Variants in ABR observed in about 807,000 individuals in gnomAD.
The protein encoded by ABR is ABR activator of RhoGEF and GTPase, also known as active breakpoint cluster region-related protein.
ABR carries 35 observed loss-of-function variants against 107.2 expected under a neutral mutation model. The observed-to-expected ratio is 0.33, with a 90% CI of 0.25 to 0.43. The LOEUF is 0.43. Ranked by LOEUF, ABR falls within the 20% of genes least tolerant of loss-of-function variation. The probability of loss-of-function intolerance (pLI) is 1.00; values close to 1 mark genes in which losing one functional copy is unlikely to be tolerated. For missense variants in ABR, 815 were observed against 1,115.2 expected, an observed-to-expected ratio of 0.73 and a Z score of 3.83; for synonymous variants, 498 against 462.0, an observed-to-expected ratio of 1.08 and a Z score of -1.00.
intron 1 of ABR, among the ~76,000 whole-genome samples, chr17:1,152,637 A>G (rs1374080084): frequency 1.3e-5 from 2 of 151,770 alleles, no homozygotes; most frequent in East Asian, 3.9e-4. Flanking sequence ...CTCCCGGCAC[A>G]CAACAAGTGC....
chr17:1,192,063 G>A (rs991064754), upstream of ABR, among the ~76,000 whole-genome samples: 5 of 152,172 alleles, frequency 3.3e-5, no homozygotes, highest in African/African-American at 1.2e-4. Context: ...GATAAAGGAA[G>A]GGGGAAACTT....
At position 1,072,599 on chromosome 17, in the gene ABR, G is replaced by A. The variant is rs186545590; in HGVS notation, c.894+15C>T. The A allele has an allele frequency of 1.3e-4, 214 of 1,595,488 alleles. 5 individuals carry two copies. The Middle Eastern group carries it at 5.2e-3, about 39-fold the overall frequency. ...CTCAGCCTGGGTGAGGGGCCGTGCC[G>A]GGCTCTGAGCTCACCTCCCCCTTGG... On this transcript the variant is annotated intron_variant, in intron 8 of 22. Coordinates refer to ENST00000302538, the MANE Select transcript of ABR (RefSeq NM_021962.5).
In ABR at chr17:1,135,739, G is replaced by A. The variant is rs188158668; in HGVS notation, c.62-10372C>T. Among the ~76,000 whole-genome samples the A allele has an allele frequency of 2.6e-5, 4 of 152,158 alleles. No homozygotes were observed. In the East Asian group the frequency reaches 5.8e-4, roughly 22 times the overall value. On this transcript the variant is annotated intron_variant, in intron 1 of 22. Coordinates refer to ENST00000302538, the MANE Select transcript of ABR (RefSeq NM_021962.5). The stretch of plus-strand genomic sequence containing the variant: ...AAAAATACAAAAATCAGCTGGGCTT[G>A]GTGGCAGGTGCCTGTAATCCCAGCT...
chr17:1,132,407 C>A (rs997319633), intron 1 of ABR, among the ~76,000 whole-genome samples: 1 of 131,108 alleles, frequency 7.6e-6, no homozygotes, highest in African/African-American at 2.9e-5. Context: ...GAGATGGAGT[C>A]TCGCTCTGTC....
chr17:1,098,365 C>G (rs1027780030), intron 3 of ABR, among the ~76,000 whole-genome samples: 7 of 151,882 alleles, frequency 4.6e-5, no homozygotes, highest in Non-Finnish European at 1.0e-4. Flanking sequence ...GCTTGAGACA[C>G]GGCGCCCGGC....
chr17:1,045,412 ACAGCAGGACAATCTTCCG>A (rs2031426689), intron 16 of ABR, among the ~76,000 whole-genome samples: 2 of 151,214 alleles, frequency 1.3e-5, no homozygotes, highest in Non-Finnish European at 3.0e-5. Context: ...CCGTCTTCTT[ACAGCAGGACAATCTTCCG>A]TCTTCTTACA....
chr17:1,162,312 T>G (rs2041332632), intron 1 of ABR, among the ~76,000 whole-genome samples: 1 of 152,234 alleles, frequency 6.6e-6, no homozygotes, highest in South Asian at 2.1e-4. Flanking sequence ...ACCCTCACTT[T>G]GCAGACAGGA....
intron 1 of ABR, among the ~76,000 whole-genome samples, chr17:1,185,654 TAAAAAAAAAA>T (rs775804045): frequency 2.5e-5 from 1 of 39,360 alleles, no homozygotes; most frequent in African/African-American, 9.7e-5. Context: ...CAGAAAGAAA[TAAAAAAAAAA>T]AAAAAAAAAA....
intron 14 of ABR, chr17:1,055,308 G>A (rs1325973030): frequency 2.6e-5 from 4 of 152,222 alleles, no homozygotes; most frequent in Non-Finnish European, 5.9e-5. Flanking sequence ...GAGAAAAAGC[G>A]ATGAGCGTGG....
chr17:1,071,563 C>G lies in ABR; in HGVS notation c.894+1051G>C, dbSNP rs1376369805. On this transcript the variant is annotated intron_variant, in intron 8 of 22. Transcript: ENST00000302538. The surrounding 1 kb of genome is among the most constrained non-coding windows in gnomAD (Gnocchi z 5.1). Reference sequence around the variant, plus strand: ...AAGGGCCCCCAGGGAACGGCTGTCCCACATGCAGGTGCCCACTGGACATTC... The same window carrying G: ...AAGGGCCCCCAGGGAACGGCTGTCCGACATGCAGGTGCCCACTGGACATTC... Among the ~76,000 whole-genome samples, 1 of 152,246 alleles carries G rather than the reference C, an allele frequency of 6.6e-6. No individual in the cohort carries two copies. Among genetic ancestry groups the G allele is most frequent in the Admixed American group, 6.5e-5 (1 of 15,288 alleles).
rs2042657756 is a variant in ABR, at chr17:1,200,805, G to A, written c.838+27988C>T. 6.6e-6 allele frequency among the ~76,000 whole-genome samples: 1 copy of A among 152,092 alleles called. No homozygotes were observed. The highest frequency in any genetic ancestry group is 6.6e-5 in the Admixed American group (1 of 15,262). On this transcript the variant is annotated intron_variant, in intron 1 of 22. Coordinates refer to the ABR transcript ENST00000574139. The surrounding 1 kb of genome is among the most constrained non-coding windows in gnomAD (Gnocchi z 4.1). The stretch of plus-strand genomic sequence containing the variant: ...TGACCTGGGTTATCAGCACCGTCCA[G>A]GGACACCAGAGATAAAGCCTCATCT...
rs920318368 is a variant in ABR at position 1,148,633 on chromosome 17, G to A, written c.62-23266C>T. 2.0e-5 allele frequency among the ~76,000 whole-genome samples: 3 copies of A among 152,214 alleles called. No homozygotes were observed. The highest frequency in any genetic ancestry group is 6.5e-5 in the Admixed American group (1 of 15,286). ...TTCTCGTAGGAGCGTGAGCCCTGTC[G>A]TGATCTGCGCGTGCGAGGGATCGCA... On this transcript the variant is annotated intron_variant, in intron 1 of 22. Coordinates refer to ENST00000302538, the MANE Select transcript of ABR (RefSeq NM_021962.5). This position sits in a 1 kb window ranked among gnomAD's most constrained non-coding sequence, Gnocchi z 4.9.
At chr17:1,158,762 T>TAA (rs142332984) in intron 1 of ABR, among the ~76,000 whole-genome samples, 1 of 144,464 alleles carries the variant, frequency 6.9e-6, no homozygotes, top group Non-Finnish European at 1.5e-5. Flanking sequence ...GACTCTGTCT[T>TAA]AAAAAAAAAA....
chr17:1,123,980 GC>G (rs1423106229), intron 2 of ABR, among the ~76,000 whole-genome samples: 1 of 151,716 alleles, frequency 6.6e-6, no homozygotes, highest in Non-Finnish European at 1.5e-5. Flanking sequence ...CCTCCCACCT[GC>G]CCCCCGCCAG....
chr17:1,028,172 C>G (rs377575172), intron 16 of ABR, among the ~76,000 whole-genome samples: 22 of 152,286 alleles, frequency 1.4e-4, no homozygotes, highest in African/African-American at 4.1e-4. Flanking sequence ...CTCACTGCAA[C>G]CTCCACCTCC....
upstream of ABR, among the ~76,000 whole-genome samples, chr17:1,189,473 C>A (rs921345875): frequency 3.3e-5 from 5 of 151,894 alleles, no homozygotes; most frequent in Non-Finnish European, 5.9e-5. Context: ...CTCAGTCTCC[C>A]GAGTCACTGC....
At position 1,176,869 on chromosome 17, in the gene ABR, C is replaced by CAAA. The variant is rs67373798; in HGVS notation, c.61+2795_61+2797dup. On this transcript the variant is annotated intron_variant, in intron 1 of 22. Coordinates refer to ENST00000302538, the MANE Select transcript of ABR (RefSeq NM_021962.5). ...TCAAAACAAAACAAAAAACAAAAAA[C>CAAA]AAAAAAAAAAAAGAAAAAAGAAAGA... Among the ~76,000 whole-genome samples the CAAA allele has an allele frequency of 5.7e-5, 8 of 139,194 alleles. No homozygotes were observed. The East Asian group carries it at 1.2e-3, about 21-fold the overall frequency. 91.3% of individuals were successfully genotyped at this position (139,194 alleles called of 152,430 possible). A position where few individuals can be genotyped will look rare whatever the true frequency, so the allele number is the denominator to read the frequency against.
intron 3 of ABR, among the ~76,000 whole-genome samples, chr17:1,100,118 C>A (rs1184580243): frequency 2.2e-5 from 3 of 134,972 alleles, no homozygotes; most frequent in African/African-American, 8.4e-5. Context: ...AAGAGCAAAG[C>A]TCCGTCTTAA....
At chr17:1,067,491 T>C (rs1205439371) in intron 9 of ABR, among the ~76,000 whole-genome samples, 2 of 152,216 alleles carry the variant, frequency 1.3e-5, no homozygotes, top group Non-Finnish European at 2.9e-5. Flanking sequence ...CTGGCCCAGA[T>C]GACTCATGTT....
Sources: gnomAD v4.1 joint callset for allele counts (sites outside exome capture counted in the v4.1 genomes callset) on GRCh38, gnomAD v4.1.1 for gene constraint, Gnocchi (gnomAD v3.1) non-coding constraint, MANE v1.5 for transcripts, NCBI Gene and HGNC (gene_info 2026-07-23, HGNC 2026-07-21) for gene names.